Variants in GALNT7 observed in about 807,000 individuals in gnomAD.
GALNT7 encodes N-acetylgalactosaminyltransferase 7.
GALNT7 carries 60 observed loss-of-function variants against 82.1 expected under a neutral mutation model. That is an observed-to-expected ratio of 0.73 (90% CI 0.59 to 0.91). The LOEUF is 0.91. GALNT7 is among the 40% of genes least tolerant of loss of function. GALNT7 has a pLI of 0.00. For missense variants in GALNT7, 660 were observed against 804.2 expected (o/e 0.82, Z 2.17); for synonymous variants, 243 against 275.1 (o/e 0.88, Z 1.15).
chr4:173,311,002 G>A (rs908628519), intron 8 of GALNT7, among the ~76,000 whole-genome samples: 12 of 152,142 alleles, frequency 7.9e-5, no homozygotes, highest in East Asian at 7.7e-4. Flanking sequence ...GAGCCACCAC[G>A]CCCAGCCTAT....
chr4:173,319,278 A>G (rs1157813762), intron 11 of GALNT7, among the ~76,000 whole-genome samples: 1 of 152,098 alleles, frequency 6.6e-6, no homozygotes, highest in Non-Finnish European at 1.5e-5. Flanking sequence ...CTCACACTAA[A>G]AAAATCTGTC....
At chr4:173,178,883 T>C (rs1732160764) in intron 1 of GALNT7, among the ~76,000 whole-genome samples, 1 of 152,216 alleles carries the variant, frequency 6.6e-6, no homozygotes, top group Non-Finnish European at 1.5e-5. Flanking sequence ...TTAAGTCACA[T>C]ACTATCGGAA....
intron 1 of GALNT7, among the ~76,000 whole-genome samples, chr4:173,216,725 A>ATTT (rs1277080433): frequency 1.2e-3 from 10 of 8,462 alleles, no homozygotes; most frequent in African/African-American, 1.9e-3. Context: ...ATATATATAT[A>ATTT]TATTTTTTTT....
chr4:173,207,906 C>T (rs929938678), intron 1 of GALNT7, among the ~76,000 whole-genome samples: 2 of 152,136 alleles, frequency 1.3e-5, no homozygotes, highest in Non-Finnish European at 2.9e-5. Flanking sequence ...AGGTGAAAAA[C>T]GAATCTCATT....
intron 2 of GALNT7, among the ~76,000 whole-genome samples, chr4:173,273,388 C>T (rs1441642665): frequency 6.6e-6 from 1 of 152,150 alleles, no homozygotes; most frequent in African/African-American, 2.4e-5. Flanking sequence ...TTATGGAAAA[C>T]AGCACAGTGA....
chr4:173,197,062 C>CG (rs1732800096), intron 1 of GALNT7, among the ~76,000 whole-genome samples: 4 of 66,764 alleles, frequency 6.0e-5, no homozygotes, highest in Non-Finnish European at 1.3e-4. Flanking sequence ...TCTCTCTCTC[C>CG]CTTTTTTTTT....
At chr4:173,248,644 C>G (rs1036747806) in intron 2 of GALNT7, among the ~76,000 whole-genome samples, 4 of 152,160 alleles carry the variant, frequency 2.6e-5, no homozygotes, top group African/African-American at 9.7e-5. Context: ...GTATAAAATT[C>G]TGGGGCCCTC....
chr4:173,288,774 A>G (rs1258496017), intron 2 of GALNT7, among the ~76,000 whole-genome samples: 1 of 152,100 alleles, frequency 6.6e-6, no homozygotes, highest in African/African-American at 2.4e-5. Context: ...CATTGAGGAC[A>G]AAAAGCCCTT....
intron 8 of GALNT7, among the ~76,000 whole-genome samples, chr4:173,306,769 G>A (rs563196290): frequency 9.8e-4 from 150 of 152,286 alleles, no homozygotes; most frequent in Non-Finnish European, 1.5e-3. Flanking sequence ...CTGAGCTTCT[G>A]TAAAACAATT....
At chr4:173,237,023 T>A (rs557926293) in intron 1 of GALNT7, among the ~76,000 whole-genome samples, 1 of 152,222 alleles carries the variant, frequency 6.6e-6, no homozygotes, top group Admixed American at 6.5e-5. Context: ...TCAAAAAGTT[T>A]ATTACATAAA....
chr4:173,210,621 C>T (rs930816427), intron 1 of GALNT7, among the ~76,000 whole-genome samples: 4 of 151,692 alleles, frequency 2.6e-5, no homozygotes, highest in Non-Finnish European at 4.4e-5. Context: ...TTTGTAGACA[C>T]GGGGTTTCAC....
At chr4:173,299,375 A>C (rs1736835851) in intron 6 of GALNT7, among the ~76,000 whole-genome samples, 1 of 152,188 alleles carries the variant, frequency 6.6e-6, no homozygotes, top group Non-Finnish European at 1.5e-5. Context: ...TGGGAGAAAA[A>C]AAATAAAGGG....
chr4:173,318,696 T>C, intron 11 of GALNT7, 137 bp downstream of exon 11: 1 of 587,402 alleles, frequency 1.7e-6, no homozygotes, highest in Non-Finnish European at 3.0e-6. Flanking sequence ...GTCCCTTGCA[T>C]AGGTTTTCCT....
At chr4:173,237,437 G>A (rs1339928952) in intron 1 of GALNT7, among the ~76,000 whole-genome samples, 1 of 152,140 alleles carries the variant, frequency 6.6e-6, no homozygotes, top group Non-Finnish European at 1.5e-5. Flanking sequence ...AGGGATAATA[G>A]GACATTGCTT....
Position 173,199,484 on chromosome 4 carries a change from G to A in GALNT7, c.126+30523G>A, listed in dbSNP as rs552089586. Among the ~76,000 whole-genome samples, 20 of 152,252 alleles carry A rather than the reference G, an allele frequency of 1.3e-4. No individual in the cohort carries two copies. The South Asian group carries it at 2.9e-3, about 22-fold the overall frequency. ...AGATGATGATGTTAGAGATATTCCC[G>A]TCATAACCATCATCGTTACAGTTGT... On this transcript the variant is annotated intron_variant, in intron 1 of 11. Coordinates refer to ENST00000265000, the MANE Select transcript of GALNT7 (RefSeq NM_017423.3).
At chr4:173,222,434 AC>A in intron 1 of GALNT7, among the ~76,000 whole-genome samples, 1 of 152,060 alleles carries the variant, frequency 6.6e-6, no homozygotes, top group East Asian at 1.9e-4. Flanking sequence ...ACCATGTCCG[AC>A]TAATTGTTGT....
At chr4:173,206,355 C>T (rs896564940) in intron 1 of GALNT7, among the ~76,000 whole-genome samples, 2 of 152,088 alleles carry the variant, frequency 1.3e-5, no homozygotes, top group Non-Finnish European at 2.9e-5. Flanking sequence ...CACTTGGTTT[C>T]CTTAGTTCTT....
chr4:173,290,956 G>A (rs776130886), intron 2 of GALNT7, among the ~76,000 whole-genome samples: 1 of 152,112 alleles, frequency 6.6e-6, no homozygotes, highest in South Asian at 2.1e-4. Context: ...ACCACCTTCT[G>A]TCACCTTCAC....
chr4:173,241,099 G>A (rs1337949977), intron 1 of GALNT7, among the ~76,000 whole-genome samples: 1 of 151,834 alleles, frequency 6.6e-6, no homozygotes, highest in East Asian at 1.9e-4. Flanking sequence ...GCCAGGCACA[G>A]TAGTTCATCC....
Sources: gnomAD v4.1 joint callset for allele counts (sites outside exome capture counted in the v4.1 genomes callset) on GRCh38, gnomAD v4.1.1 for gene constraint, MANE v1.5 for transcripts, NCBI Gene and HGNC (gene_info 2026-07-23, HGNC 2026-07-21) for gene names.